MED13L: variants seen among roughly 807,000 people sequenced by gnomAD.
The protein encoded by MED13L is mediator complex subunit 13L.
In MED13L, 7 loss-of-function variants were observed where a neutral mutation model predicts 220.9. The observed-to-expected ratio is 0.03, with a 90% CI of 0.02 to 0.06. The LOEUF is 0.06. MED13L is among the 10% of genes least tolerant of loss of function. The pLI, the probability that MED13L is intolerant of heterozygous loss-of-function variation, is 1.00. For synonymous variants in MED13L, 1,011 were observed against 1,015.2 expected, an observed-to-expected ratio of 1.00 and a Z score of 0.08; for missense variants, 1,965 against 2,760.5, an observed-to-expected ratio of 0.71 and a Z score of 6.46.
chr12:116,003,243 T>G, intron 13 of MED13L, 141 bp from the exon 14 acceptor site: 1 of 719,760 alleles, frequency 1.4e-6, no homozygotes, highest in East Asian at 2.7e-5. Flanking sequence ...TACCAACAGA[T>G]AGTGAAACAA....
chr12:116,200,213 C>T (rs530039948), intron 2 of MED13L, among the ~76,000 whole-genome samples: 1 of 152,022 alleles, frequency 6.6e-6, no homozygotes, highest in Non-Finnish European at 1.5e-5. Flanking sequence ...CAATCCCCTG[C>T]CTTTTTTTTA....
At chr12:116,185,264 G>T (rs1880804951) in intron 2 of MED13L, among the ~76,000 whole-genome samples, 1 of 151,512 alleles carries the variant, frequency 6.6e-6, no homozygotes, top group Non-Finnish European at 1.5e-5. Flanking sequence ...AAACCAAAAA[G>T]AAACACCTTT....
At chr12:116,227,724 G>C (rs1207231073) in intron 2 of MED13L, among the ~76,000 whole-genome samples, 2 of 152,034 alleles carry the variant, frequency 1.3e-5, no homozygotes, top group African/African-American at 4.8e-5. Context: ...CTAGTTGCTA[G>C]AAACAATATT....
Position 116,008,483 on chromosome 12 carries a change from C to A in MED13L, c.1930G>T (p.Ala644Ser). The change falls in exon 10 of 31, where the codon GCT becomes TCT. Residue 644 changes from alanine (A) to serine (S), a missense_variant. Ala to Ser is a moderately conservative substitution (Grantham distance 99). This residue lies in a region of MED13L where 818 missense variants were observed against 1,041.2 expected (regional missense o/e 0.79). Coordinates refer to ENST00000281928, the MANE Select transcript of MED13L (RefSeq NM_015335.5). ...HSYRLPPSDDAEFRPPELQGE... is the reference protein window; with the variant it reads ...HSYRLPPSDDSEFRPPELQGE... ...TGGAGCTCTGGAGGCCTGAACTCAG[C>A]ATCATCACTGGGTGGGAGACGATAA... 6.2e-7 allele frequency: 1 copy of A among 1,613,644 alleles called. No individual in the cohort carries two copies. Among genetic ancestry groups the A allele is most frequent in the Non-Finnish European group, 8.5e-7 (1 of 1,179,974 alleles).
chr12:116,211,210 C>T (rs1005128603), intron 2 of MED13L, among the ~76,000 whole-genome samples: 1 of 152,170 alleles, frequency 6.6e-6, no homozygotes, highest in Non-Finnish European at 1.5e-5. Flanking sequence ...ATTGCTGAAA[C>T]CTAGACCAGC....
At chr12:116,016,232 A>C (rs769815714) in intron 7 of MED13L, among the ~76,000 whole-genome samples, 8 of 152,104 alleles carry the variant, frequency 5.3e-5, no homozygotes, top group Non-Finnish European at 1.0e-4. Context: ...TTTATAACAC[A>C]AACTAAGTAT....
chr12:116,144,425 T>G (rs1877318771), intron 2 of MED13L, among the ~76,000 whole-genome samples: 1 of 152,136 alleles, frequency 6.6e-6, no homozygotes, highest in Admixed American at 6.6e-5. Context: ...AAAACTGAGT[T>G]TGGTCTGAGA....
intron 4 of MED13L, 61 bp downstream of exon 4, chr12:116,096,608 G>T: frequency 1.7e-6 from 2 of 1,189,294 alleles, no homozygotes; most frequent in Non-Finnish European, 2.5e-6. Context: ...AAATCAATAA[G>T]CTGTTCACCC....
At chr12:116,120,631 G>A (rs1005326640) in intron 2 of MED13L, among the ~76,000 whole-genome samples, 2 of 151,010 alleles carry the variant, frequency 1.3e-5, no homozygotes, top group Non-Finnish European at 3.0e-5. Context: ...GAAGAAAAAC[G>A]ACTACCAAAA....
chr12:116,072,863 C>T (rs1175210568), intron 4 of MED13L, among the ~76,000 whole-genome samples: 2 of 152,306 alleles, frequency 1.3e-5, no homozygotes, highest in African/African-American at 4.8e-5. Flanking sequence ...GGCAATCTTA[C>T]CTCACAAGTC....
intron 2 of MED13L, among the ~76,000 whole-genome samples, chr12:116,211,981 G>GA (rs996441162): frequency 3.0e-4 from 46 of 151,866 alleles, no homozygotes; most frequent in Non-Finnish European, 5.2e-4. Context: ...TTGAAATAAT[G>GA]AAAAAAACAT....
chr12:116,214,709 A>G (rs1486684854), intron 2 of MED13L, among the ~76,000 whole-genome samples: 1 of 152,184 alleles, frequency 6.6e-6, no homozygotes, highest in East Asian at 1.9e-4. Flanking sequence ...ACTTCACTCA[A>G]CATGCTCAGA....
At chr12:116,092,508 A>C (rs964786043) in intron 4 of MED13L, among the ~76,000 whole-genome samples, 2 of 152,172 alleles carry the variant, frequency 1.3e-5, no homozygotes, top group African/African-American at 4.8e-5. Flanking sequence ...GGGAGGATGA[A>C]ATAAGGAAAG....
At chr12:116,051,833 CTTTGGAGTATTTCAGAT>C (rs1868532124) in intron 4 of MED13L, among the ~76,000 whole-genome samples, 2 of 152,130 alleles carry the variant, frequency 1.3e-5, no homozygotes, top group Admixed American at 6.5e-5. Flanking sequence ...AAAGTTACAA[CTTTGGAGTATTTCAGAT>C]TTTGGACTGA....
At chr12:116,241,462 T>G (rs928134805) in intron 1 of MED13L, among the ~76,000 whole-genome samples, 1 of 152,118 alleles carries the variant, frequency 6.6e-6, no homozygotes, top group African/African-American at 2.4e-5. Context: ...TCAGTCCCCA[T>G]GAAAATCTAT....
rs1879911365 is a variant in MED13L at position 116,019,239 on chromosome 12, C to T, written c.994G>A (p.Glu332Lys). 4.3e-6 allele frequency: 7 copies of T among 1,613,690 alleles called. No individual in the cohort carries two copies. Among genetic ancestry groups the T allele is most frequent in the Non-Finnish European group, 5.9e-6 (7 of 1,179,868 alleles). Residue 332 changes from glutamate (E) to lysine (K), a missense_variant, in exon 7 of 31, where the codon GAA becomes AAA. This residue lies in a region of MED13L where 818 missense variants were observed against 1,041.2 expected (regional missense o/e 0.79). Coordinates refer to ENST00000281928, the MANE Select transcript of MED13L (RefSeq NM_015335.5). ...TCCTACTCACCTAGGATAGCCTGTT[C>T]TGGAGAGGTGGGAGGGGTCAGAGGC... is the stretch of plus-strand genomic sequence containing the variant. ...GMPLTPPTSP[E>K]QAILGESGGM...
intron 1 of MED13L, among the ~76,000 whole-genome samples, chr12:116,263,257 T>G (rs1424370618): frequency 6.6e-6 from 1 of 151,372 alleles, no homozygotes; most frequent in Non-Finnish European, 1.5e-5. Flanking sequence ...TCCCATTCTC[T>G]TTTATTATGT....
At chr12:116,254,400 T>A (rs1871855065) in intron 1 of MED13L, among the ~76,000 whole-genome samples, 1 of 152,074 alleles carries the variant, frequency 6.6e-6, no homozygotes, top group Non-Finnish European at 1.5e-5. Flanking sequence ...GTATACAGAA[T>A]CAATATCCAA....
At chr12:116,174,517 A>G (rs1202224728) in intron 2 of MED13L, 1 of 152,076 alleles carries the variant, frequency 6.6e-6, no homozygotes, top group African/African-American at 2.4e-5. Flanking sequence ...AAAAACAAAA[A>G]AGGTTTGGCT....
Sources: allele counts gnomAD v4.1 joint callset (sites outside exome capture counted in the v4.1 genomes callset), GRCh38; gene constraint gnomAD v4.1.1; regional missense constraint gnomAD v4.1.1; transcripts MANE v1.5; gene names NCBI Gene and HGNC (gene_info 2026-07-23, HGNC 2026-07-21).